Variants in LRRC4B observed in about 807,000 individuals in gnomAD.
LRRC4B encodes leucine-rich repeat-containing protein 4B.
A neutral mutation model predicts 7.3 loss-of-function variants in LRRC4B; 1 was observed. The observed-to-expected ratio is 0.14, with a 90% CI of 0.05 to 0.65. The LOEUF (loss-of-function observed/expected upper bound fraction) is 0.65, where lower values mean the gene tolerates loss of function less well. Among genes scored for constraint, LRRC4B ranks in the 30% least tolerant of loss-of-function variants. LRRC4B has a pLI of 0.84. For missense variants in LRRC4B, 730 were observed against 1,041.6 expected, an observed-to-expected ratio of 0.70 and a Z score of 4.12; for synonymous variants, 500 against 499.2, an observed-to-expected ratio of 1.00 and a Z score of -0.02.
chr19:50,531,878 C>T (rs1981073487), intron 2 of LRRC4B, among the ~76,000 whole-genome samples: 1 of 152,186 alleles, frequency 6.6e-6, no homozygotes, highest in African/African-American at 2.4e-5. Flanking sequence ...ACATGGCGAG[C>T]ATGCAGTAAT....
At chr19:50,559,768 T>A (rs928116057) in intron 1 of LRRC4B, among the ~76,000 whole-genome samples, 1 of 152,244 alleles carries the variant, frequency 6.6e-6, no homozygotes, top group Non-Finnish European at 1.5e-5. Flanking sequence ...CATAAAAAGC[T>A]GAAAACTATG....
At position 50,553,385 on chromosome 19, in the gene LRRC4B, A is replaced by C. The variant is rs1982166300; in HGVS notation, c.-35-4512T>G. On this transcript the variant is annotated intron_variant, in intron 1 of 2. Transcript: ENST00000652263. This position sits in a 1 kb window ranked among gnomAD's most constrained non-coding sequence, Gnocchi z 4.2. Reference sequence around the variant, plus strand: ...TTTTCAGGTCTCCACTCTCCACCCCAGCTCCTCCTCTGACCTCATCGCTTC... The same window carrying C: ...TTTTCAGGTCTCCACTCTCCACCCCCGCTCCTCCTCTGACCTCATCGCTTC... Among the ~76,000 whole-genome samples the C allele has an allele frequency of 6.6e-6, 1 of 152,000 alleles. No individual in the cohort carries two copies. Among genetic ancestry groups the C allele is most frequent in the Non-Finnish European group, 1.5e-5 (1 of 67,998 alleles).
At chr19:50,527,988 G>A (rs1299758515) in intron 2 of LRRC4B, among the ~76,000 whole-genome samples, 1 of 151,984 alleles carries the variant, frequency 6.6e-6, no homozygotes, top group African/African-American at 2.4e-5. Context: ...TGATCTGCCT[G>A]CCTCGGCCTC....
In LRRC4B at chr19:50,519,284, G is replaced by A. The variant is rs1242459569; in HGVS notation, c.429C>T (p.Asp143=). Residue 143 remains aspartate (D), a synonymous_variant, in exon 3 of 3, where the codon GAC becomes GAT. Transcript: ENST00000652263. The surrounding 1 kb of genome is among the most constrained non-coding windows in gnomAD (Gnocchi z 8.1). ...LPSLNTLELF[D]NRLTTVPTQA... is the part of the protein sequence containing the mutation. ...GCGTGGGCACCGTGGTCAGCCGGTT[G>A]TCAAAAAGCTCCAGCGTGTTGAGGC... 1 of 1,613,918 alleles carries A rather than the reference G, an allele frequency of 6.2e-7. No individual in the cohort carries two copies. Among genetic ancestry groups the A allele is most frequent in the Non-Finnish European group, 8.5e-7 (1 of 1,180,044 alleles).
chr19:50,526,946 C>T (rs569588237), intron 2 of LRRC4B, among the ~76,000 whole-genome samples: 4 of 150,418 alleles, frequency 2.7e-5, no homozygotes, highest in South Asian at 4.3e-4. Context: ...CTCTGGCTCC[C>T]GGGTTCATGC....
intron 1 of LRRC4B, among the ~76,000 whole-genome samples, chr19:50,554,031 T>C (rs1228070681): frequency 1.3e-5 from 2 of 148,716 alleles, no homozygotes; most frequent in East Asian, 2.0e-4. Context: ...TCTCACTCTG[T>C]TGCCCAGGCT....
intron 1 of LRRC4B, among the ~76,000 whole-genome samples, chr19:50,564,780 G>T (rs577994359): frequency 6.6e-6 from 1 of 152,144 alleles, no homozygotes; most frequent in African/African-American, 2.4e-5. Flanking sequence ...CTACACAGCA[G>T]GTGTCCTAGC....
Position 50,520,347 on chromosome 19 carries a change from C to T in LRRC4B, c.298-932G>A, listed in dbSNP as rs772011278. On this transcript the variant is annotated intron_variant, in intron 2 of 2. Transcript: ENST00000652263. ...AAACTGGAGTCAAGAATTTTGGGGA[C>T]GGCCAGGCATGGTGGCTAATGCCTG... 2.0e-4 allele frequency among the ~76,000 whole-genome samples: 30 copies of T among 150,242 alleles called. 1 individual carries two copies. The highest frequency in any genetic ancestry group is 6.3e-4 in the South Asian group (3 of 4,744).
At position 50,539,504 on chromosome 19, in the gene LRRC4B, G is replaced by T. The variant is rs554598124; in HGVS notation, c.297+9038C>A. Among the ~76,000 whole-genome samples, 111 of 152,262 alleles carry T rather than the reference G, an allele frequency of 7.3e-4. 1 individual carries two copies. The highest frequency in any genetic ancestry group is 2.6e-3 in the African/African-American group (110 of 41,530). On this transcript the variant is annotated intron_variant, in intron 2 of 2. Coordinates refer to ENST00000652263, the MANE Select transcript of LRRC4B (RefSeq NM_001080457.2). ...TTTCTTTTTCCTCATTTAGGAAAAG[G>T]TGAGCAAATTCCAGTATAGCCTTTT...
At chr19:50,522,504 T>TCTCG (rs1980627978) in intron 2 of LRRC4B, among the ~76,000 whole-genome samples, 2 of 144,514 alleles carry the variant, frequency 1.4e-5, no homozygotes, top group South Asian at 4.4e-4. Flanking sequence ...TGAGATGGAG[T>TCTCG]CTCGCTCTGT....
intron 2 of LRRC4B, among the ~76,000 whole-genome samples, chr19:50,540,472 C>T (rs560380180): frequency 7.2e-5 from 11 of 152,212 alleles, no homozygotes; most frequent in Admixed American, 2.0e-4. Context: ...AAGTGATTCT[C>T]CTGCCTCCTG....
chr19:50,556,776 G>A lies in LRRC4B; in HGVS notation c.-35-7903C>T, dbSNP rs1982289494. On this transcript the variant is annotated intron_variant, in intron 1 of 2. Transcript: ENST00000652263. The surrounding 1 kb of genome is among the most constrained non-coding windows in gnomAD (Gnocchi z 4.2). ...AGCGCCCCCTACCGGCAGTTCCTCTGCTGGCACCCGAGGCAAGGAGCCCTG... is the reference window on the plus strand; with the variant it reads ...AGCGCCCCCTACCGGCAGTTCCTCTACTGGCACCCGAGGCAAGGAGCCCTG... Among the ~76,000 whole-genome samples, 1 of 152,170 alleles carries A rather than the reference G, an allele frequency of 6.6e-6. No individual in the cohort carries two copies. Among genetic ancestry groups the A allele is most frequent in the East Asian group, 1.9e-4 (1 of 5,186 alleles).
rs12984761 is a variant in LRRC4B at position 50,548,317 on chromosome 19, C to T, written c.297+225G>A. ...GGTGGCCTGCACTTGGGCCCCGACA[C>T]GGTGGCTCAGAGACAGGGAGCACTG... On this transcript the variant is annotated intron_variant, in intron 2 of 2. Transcript: ENST00000652263. The surrounding 1 kb of genome is among the most constrained non-coding windows in gnomAD (Gnocchi z 6.8). 0.21 allele frequency among the ~76,000 whole-genome samples: 32,498 copies of T among 152,200 alleles called. 3,715 individuals carry two copies. Among genetic ancestry groups the T allele is most frequent in the Middle Eastern group, 0.32 (94 of 294 alleles).
intron 1 of LRRC4B, among the ~76,000 whole-genome samples, chr19:50,565,359 G>A (rs1982594145): frequency 6.6e-6 from 1 of 152,222 alleles, no homozygotes; most frequent in Admixed American, 6.5e-5. Flanking sequence ...CCAGGTCTGT[G>A]TACGAAGGAC....
rs1982186552 is a variant in LRRC4B, at chr19:50,553,939, T to TCG, written c.-35-5068_-35-5067dup. On this transcript the variant is annotated intron_variant, in intron 1 of 2. Transcript: ENST00000652263. The surrounding 1 kb of genome is among the most constrained non-coding windows in gnomAD (Gnocchi z 4.2). ...TGCAGGCTCCCAGCCCTGGACACCCTCGGTCCCCAGGTCCCCTTCCATCCC... is the reference window on the plus strand; with the variant it reads ...TGCAGGCTCCCAGCCCTGGACACCCTCGCGGTCCCCAGGTCCCCTTCCATCCC... 6.7e-6 allele frequency among the ~76,000 whole-genome samples: 1 copy of TCG among 149,810 alleles called. No homozygotes were observed. Among genetic ancestry groups the TCG allele is most frequent in the Non-Finnish European group, 1.5e-5 (1 of 67,556 alleles).
chr19:50,559,002 C>T (rs1648456026), intron 1 of LRRC4B, among the ~76,000 whole-genome samples: 1 of 152,214 alleles, frequency 6.6e-6, no homozygotes, highest in African/African-American at 2.4e-5. Context: ...TCAGTCCCCG[C>T]AAGGGGCCCA....
At chr19:50,547,118 AG>A in intron 2 of LRRC4B, among the ~76,000 whole-genome samples, 1 of 152,246 alleles carries the variant, frequency 6.6e-6, no homozygotes, top group South Asian at 2.1e-4. Context: ...TGCTCAAGGG[AG>A]ATGTGGATGG....
In LRRC4B at chr19:50,517,744, G is replaced by T. The variant is rs756004281; in HGVS notation, c.1969C>A (p.Arg657=). The change falls in exon 3 of 3, where the codon CGA becomes AGA. Residue 657 remains arginine, a synonymous_variant. Coordinates refer to ENST00000652263, the MANE Select transcript of LRRC4B (RefSeq NM_001080457.2). This position sits in a 1 kb window ranked among gnomAD's most constrained non-coding sequence, Gnocchi z 6.6. ...DSHLALPALE[R]DHLNHHHYVA... is the part of the protein sequence containing the mutation. ...TAGTGGTGGTGGTTGAGGTGGTCTC[G>T]CTCCAGGGCGGGCAGGGCCAGGTGG... 5 of 1,532,474 alleles carry T rather than the reference G, an allele frequency of 3.3e-6. No individual in the cohort carries two copies. The highest frequency in any genetic ancestry group is 3.5e-6 in the Non-Finnish European group (4 of 1,142,434). The allele number at this position is 1,532,474 out of a possible 1,614,324, so 94.9% of individuals were successfully genotyped here. A position where few individuals can be genotyped will look rare whatever the true frequency, so the allele number is the denominator to read the frequency against.
At chr19:50,549,762 C>T (rs1416493785) in intron 1 of LRRC4B, among the ~76,000 whole-genome samples, 2 of 152,212 alleles carry the variant, frequency 1.3e-5, no homozygotes, top group Non-Finnish European at 2.9e-5. Context: ...CCACCAGCTG[C>T]ACCCCCTCCT....
Sources: gnomAD v4.1 joint callset for allele counts (sites outside exome capture counted in the v4.1 genomes callset) on GRCh38, gnomAD v4.1.1 for gene constraint, Gnocchi (gnomAD v3.1) non-coding constraint, MANE v1.5 for transcripts, NCBI Gene and HGNC (gene_info 2026-07-23, HGNC 2026-07-21) for gene names.